The following SELENOO variants were observed in gnomAD, a reference collection of about 807,000 sequenced individuals.
SELENOO encodes the protein selenoprotein O.
In SELENOO, 74 loss-of-function variants were observed where a neutral mutation model predicts 58.7. The observed-to-expected ratio is 1.26, with a 90% CI of 1.04 to 1.53. SELENOO has a LOEUF of 1.53. Ranked by LOEUF, SELENOO falls within the 40% of genes most tolerant of loss-of-function variation. SELENOO has a pLI of 0.00. For missense variants in SELENOO, 1,149 were observed against 970.0 expected (o/e 1.18, Z -2.45); for synonymous variants, 543 against 453.2 (o/e 1.20, Z -2.52).
chr22:50,214,178 G>C (rs1489671008), intron 5 of SELENOO, among the ~76,000 whole-genome samples: 1 of 152,152 alleles, frequency 6.6e-6, no homozygotes, highest in Non-Finnish European at 1.5e-5. Flanking sequence ...GTCTCACTTT[G>C]TTGCCCAGGC....
chr22:50,201,723 G>T, intron 1 of SELENOO, 133 bp downstream of exon 1: 1 of 616,524 alleles, frequency 1.6e-6, no homozygotes, highest in Non-Finnish European at 2.3e-6. Flanking sequence ...CGGGAGCGCG[G>T]TGCTGGCAGC....
intron 2 of SELENOO, among the ~76,000 whole-genome samples, chr22:50,207,218 G>A (rs1281124290): frequency 1.3e-5 from 2 of 152,058 alleles, no homozygotes; most frequent in African/African-American, 4.8e-5. Context: ...CGCCTCCCGG[G>A]TTCAAGCGAT....
At chr22:50,208,761 T>C (rs376510171) in intron 3 of SELENOO, 45 bp downstream of exon 3, 2 of 1,564,434 alleles carry the variant, frequency 1.3e-6, no homozygotes, top group African/African-American at 2.7e-5. Context: ...GGATGCTGGG[T>C]GTCCCCACCT....
chr22:50,208,864 C>T (rs1325754310), intron 3 of SELENOO, 148 bp downstream of exon 3: 7 of 740,068 alleles, frequency 9.5e-6, no homozygotes, highest in African/African-American at 1.8e-5. Context: ...CCGCAAACCC[C>T]ATCATGTGTG....
rs1230549098 is a variant in SELENOO at position 50,217,224 on chromosome 22, T to G, written c.1865T>G (p.Leu622Arg). The change falls in exon 9 of 9, where the codon CTA becomes CGA. Residue 622 changes from leucine to arginine, a missense_variant. Transcript: ENST00000380903. ...CTCCAGGTGCGGCGGGTGCTGAAAC[T>G]ACTGGAGACCCCTTACCACTGCGAG... ...DFSEVRRVLK[L>R]LETPYHCEAG... 1 of 1,611,556 alleles carries G rather than the reference T, an allele frequency of 6.2e-7. No individual in the cohort carries two copies. The highest frequency in any genetic ancestry group is 8.5e-7 in the Non-Finnish European group (1 of 1,179,332).
At chr22:50,216,495 G>A (rs755986755) in intron 6 of SELENOO, among the ~76,000 whole-genome samples, 196 bp from the exon 7 acceptor site, 27 of 152,260 alleles carry the variant, frequency 1.8e-4, no homozygotes, top group Non-Finnish European at 3.5e-4. Flanking sequence ...GGCCTTGGCC[G>A]AGCATGGGCA....
At chr22:50,215,447 G>A (rs1041450339) in intron 5 of SELENOO, among the ~76,000 whole-genome samples, 3 of 151,406 alleles carry the variant, frequency 2.0e-5, no homozygotes, top group East Asian at 1.9e-4. Context: ...ATTTGGGTCC[G>A]TGTGGGTCTC....
rs1430221715 is a variant in SELENOO, at chr22:50,201,365, C to T, written c.329C>T (p.Ala110Val). ...EPALALLGLG[A>V]PPAREAEAEA... The stretch of plus-strand genomic sequence containing the variant: ...GCGCTGGCGTTGCTGGGCCTGGGCG[C>T]GCCGCCCGCGCGCGAGGCCGAGGCC... The change falls in exon 1 of 9, where the codon GCG becomes GTG. Residue 110 changes from alanine (A) to valine (V), a missense_variant. Coordinates refer to ENST00000380903, the MANE Select transcript of SELENOO (RefSeq NM_031454.2). 1 of 1,206,740 alleles carries T rather than the reference C, an allele frequency of 8.3e-7. No homozygotes were observed. Among genetic ancestry groups the T allele is most frequent in the South Asian group, 3.5e-5 (1 of 28,598 alleles). 74.8% of individuals were successfully genotyped at this position (1,206,740 alleles called of 1,614,324 possible).
At chr22:50,216,651 G>A (rs549881286) in intron 6 of SELENOO, 40 bp from the exon 7 acceptor site, 31 of 1,531,438 alleles carry the variant, frequency 2.0e-5, no homozygotes, top group East Asian at 1.7e-4. Context: ...GCAGGGACAC[G>A]GTCAGGGGCT....
chr22:50,207,135 T>C (rs1245199599), intron 2 of SELENOO, among the ~76,000 whole-genome samples: 1 of 152,126 alleles, frequency 6.6e-6, no homozygotes, highest in Non-Finnish European at 1.5e-5. Context: ...TCTTTTCTTT[T>C]TTTTTGAGAC....
chr22:50,217,148 T>C lies in SELENOO; in HGVS notation c.1845+20T>C, dbSNP rs1329505476. The C allele has an allele frequency of 6.2e-7, 1 of 1,611,280 alleles. No homozygotes were observed. The highest frequency in any genetic ancestry group is 8.5e-7 in the Non-Finnish European group (1 of 1,178,566). On this transcript the variant is annotated intron_variant, in intron 8 of 8. Transcript: ENST00000380903. ...TCAGAGGCAAGCACACGCCTGTCCC[T>C]GTGGTCCCTGGGAGGGGGGTCGGCC...
chr22:50,201,385 G>A lies in SELENOO; in HGVS notation c.349G>A (p.Glu117Lys), dbSNP rs1395457778. The A allele has an allele frequency of 2.4e-6, 3 of 1,255,186 alleles. No individual in the cohort carries two copies. Among genetic ancestry groups the A allele is most frequent in the Non-Finnish European group, 3.0e-6 (3 of 999,026 alleles). The allele number at this position is 1,255,186 out of a possible 1,614,324, so 77.8% of individuals were successfully genotyped here. A position where few individuals can be genotyped will look rare whatever the true frequency, so the allele number is the denominator to read the frequency against. The change falls in exon 1 of 9, where the codon GAG becomes AAG. Residue 117 changes from glutamate (E) to lysine (K), a missense_variant. Coordinates refer to ENST00000380903, the MANE Select transcript of SELENOO (RefSeq NM_031454.2). ...GGGCGCGCCGCCCGCGCGCGAGGCC[G>A]AGGCCGAGGCCGCGCTGTTCTTCAG... ...GLGAPPAREAEAEAALFFSGN... is the reference protein window; with the variant it reads ...GLGAPPAREAKAEAALFFSGN...
In SELENOO at chr22:50,206,334, A is replaced by G. The variant is rs1442733291; in HGVS notation, c.572A>G (p.Lys191Arg). ...GGTTTCAGACAGGCCGACGGTCGCA[A>G]GGTCCTACGGTCAAGCATCCGGGAG... is the stretch of plus-strand genomic sequence containing the variant. ...TPFSRQADGR[K>R]VLRSSIREFL... The change falls in exon 2 of 9, where the codon AAG becomes AGG. Residue 191 changes from lysine to arginine, a missense_variant. By Grantham distance (26) the Lys-to-Arg change is conservative. Coordinates refer to ENST00000380903, the MANE Select transcript of SELENOO (RefSeq NM_031454.2). 2 of 1,613,894 alleles carry G rather than the reference A, an allele frequency of 1.2e-6. No individual in the cohort carries two copies. The highest frequency in any genetic ancestry group is 1.7e-6 in the Non-Finnish European group (2 of 1,180,010).
intron 5 of SELENOO, among the ~76,000 whole-genome samples, chr22:50,212,010 G>A (rs1383992687): frequency 6.6e-6 from 1 of 152,232 alleles, no homozygotes; most frequent in Admixed American, 6.5e-5. Flanking sequence ...GCCATATGCT[G>A]TATAATTATT....
At chr22:50,201,849 A>T (rs1384015849) in intron 1 of SELENOO, among the ~76,000 whole-genome samples, 2 of 152,200 alleles carry the variant, frequency 1.3e-5, no homozygotes, top group South Asian at 2.1e-4. Context: ...GGGAGCCGGG[A>T]TGAGAGGTTA....
chr22:50,217,379 C>T lies in SELENOO; in HGVS notation c.*10C>T. On this transcript the variant is annotated 3_prime_UTR_variant, in exon 9 of 9. Transcript: ENST00000380903. ...GACATGATCTTCGTAACGGCCTCGG[C>T]ACGCTCCACACCCCTGGAGTCTCCC... 1.9e-6 allele frequency: 3 copies of T among 1,612,296 alleles called. No homozygotes were observed. Among genetic ancestry groups the T allele is most frequent in the South Asian group, 2.2e-5 (2 of 91,036 alleles).
rs768831514 is a variant in SELENOO at position 50,217,022 on chromosome 22, A to G, written c.1739A>G (p.Gln580Arg). 2 of 1,611,942 alleles carry G rather than the reference A, an allele frequency of 1.2e-6. No individual in the cohort carries two copies. The highest frequency in any genetic ancestry group is 3.3e-5 in the Admixed American group (2 of 60,010). The change falls in exon 8 of 9, where the codon CAG (glutamine) becomes CGG (arginine). Residue 580 changes from glutamine (Q) to arginine (R), a missense_variant. Gln to Arg is a conservative substitution (Grantham distance 43). Coordinates refer to ENST00000380903, the MANE Select transcript of SELENOO (RefSeq NM_031454.2). Reference sequence around the variant, plus strand: ...GGCGCTGGGGACGCTGCCGCCTGGCAGGCTGAGCACGTGCGCGTGATGCAC... The same window carrying G: ...GGCGCTGGGGACGCTGCCGCCTGGCGGGCTGAGCACGTGCGCGTGATGCAC... ...LEGAGDAAAW[Q>R]AEHVRVMHAN...
intron 1 of SELENOO, among the ~76,000 whole-genome samples, chr22:50,202,393 C>T (rs1602486501): frequency 6.6e-6 from 1 of 152,022 alleles, no homozygotes; most frequent in African/African-American, 2.4e-5. Flanking sequence ...CTCACTCCCC[C>T]GTCTCCAAAT....
chr22:50,201,473 G>T lies in SELENOO; in HGVS notation c.437G>T (p.Gly146Val), dbSNP rs2064300100. ...AAHCYCGHQF[G>V]QFAGQLGDGA... ...CACTGCTACTGCGGCCACCAATTCG[G>T]CCAGTTCGCCGGGCAGCTGGGCGAC... Residue 146 changes from glycine to valine, a missense_variant, in exon 1 of 9, where the codon GGC becomes GTC. Physicochemically the swap from Gly to Val is moderately radical, Grantham distance 109. Coordinates refer to ENST00000380903, the MANE Select transcript of SELENOO (RefSeq NM_031454.2). The T allele has an allele frequency of 7.0e-7, 1 of 1,422,814 alleles. No homozygotes were observed. The highest frequency in any genetic ancestry group is 1.4e-5 in the South Asian group (1 of 73,040). The allele number at this position is 1,422,814 out of a possible 1,614,324, so 88.1% of individuals were successfully genotyped here.
Sources: allele counts gnomAD v4.1 joint callset (sites outside exome capture counted in the v4.1 genomes callset), GRCh38; gene constraint gnomAD v4.1.1; transcripts MANE v1.5; gene names NCBI Gene and HGNC (gene_info 2026-07-23, HGNC 2026-07-21).